The following TRERF1 variants were observed in gnomAD, a reference collection of about 807,000 sequenced individuals.
The protein encoded by TRERF1 is transcriptional regulating factor 1, also known as transcriptional-regulating factor 1.
TRERF1 carries 27 observed loss-of-function variants against 122.9 expected under a neutral mutation model. The observed-to-expected ratio is 0.22, with a 90% CI of 0.16 to 0.30. TRERF1 has a LOEUF of 0.30. TRERF1 is among the 10% of genes least tolerant of loss of function. TRERF1 has a pLI of 1.00. For missense variants in TRERF1, 1,248 were observed against 1,560.3 expected, an observed-to-expected ratio of 0.80 and a Z score of 3.37; for synonymous variants, 636 against 641.7, an observed-to-expected ratio of 0.99 and a Z score of 0.13.
exon 10 of TRERF1, chr6:42,258,159 C>G (rs1777102231): frequency 6.2e-7 from 1 of 1,614,078 alleles, no homozygotes; most frequent in Admixed American, 1.7e-5. Context: ...AGTCTGCTCT[C>G]CAGGCCCTGG....
chr6:42,426,449 A>G (rs1380656565), intron 2 of TRERF1, among the ~76,000 whole-genome samples: 1 of 152,162 alleles, frequency 6.6e-6, no homozygotes, highest in Non-Finnish European at 1.5e-5. Context: ...TTCTTCAGTA[A>G]AGTTACCTAG....
chr6:42,293,433 C>T (rs759141163), intron 4 of TRERF1, among the ~76,000 whole-genome samples: 89 of 152,174 alleles, frequency 5.8e-4, no homozygotes, highest in Non-Finnish European at 9.7e-4. Context: ...GCTACTAGAA[C>T]GAGGCCAGAG....
intron 3 of TRERF1, among the ~76,000 whole-genome samples, chr6:42,310,139 T>C (rs1240117918): frequency 2.6e-5 from 4 of 152,162 alleles, no homozygotes; most frequent in Non-Finnish European, 5.9e-5. Flanking sequence ...GGCCTCACTC[T>C]GTCACCCAGG....
At chr6:42,315,675 C>A (rs1294722889) in intron 3 of TRERF1, among the ~76,000 whole-genome samples, 2 of 151,448 alleles carry the variant, frequency 1.3e-5, no homozygotes, top group Non-Finnish European at 2.9e-5. Context: ...CCAGGTGGGG[C>A]CCCTGGGTCA....
At chr6:42,229,166 GTCTC>G (rs1243772537) in intron 17 of TRERF1, among the ~76,000 whole-genome samples, 1 of 152,138 alleles carries the variant, frequency 6.6e-6, no homozygotes. Context: ...GAGACAGGGT[GTCTC>G]TCTATTGCCC....
chr6:42,435,562 G>A (rs935831852), intron 2 of TRERF1, among the ~76,000 whole-genome samples: 13 of 151,836 alleles, frequency 8.6e-5, no homozygotes, highest in African/African-American at 2.2e-4. Context: ...GGAATTTACC[G>A]CCCAAAAAGA....
intron 2 of TRERF1, among the ~76,000 whole-genome samples, chr6:42,412,221 G>A (rs1466055166): frequency 6.6e-6 from 1 of 152,022 alleles, no homozygotes; most frequent in Non-Finnish European, 1.5e-5. Flanking sequence ...GGCTGGTCTC[G>A]AACTCCCGAC....
intron 2 of TRERF1, among the ~76,000 whole-genome samples, chr6:42,425,223 G>A (rs1224821839): frequency 1.3e-5 from 2 of 152,150 alleles, no homozygotes; most frequent in Non-Finnish European, 2.9e-5. Flanking sequence ...CTGCTCTTGT[G>A]AATTGCAAGC....
At position 42,393,916 on chromosome 6, in the gene TRERF1, G is replaced by GAAA. The variant is rs61581284; in HGVS notation, c.-453-30840_-453-30838dup. Among the ~76,000 whole-genome samples the GAAA allele has an allele frequency of 8.4e-6, 1 of 119,012 alleles. No individual in the cohort carries two copies. Among genetic ancestry groups the GAAA allele is most frequent in the Admixed American group, 8.8e-5 (1 of 11,304 alleles). The allele number at this position is 119,012 out of a possible 152,430, so 78.1% of individuals were successfully genotyped here. A position where few individuals can be genotyped will look rare whatever the true frequency, so the allele number is the denominator to read the frequency against. ...CAAACTCTCCAATGTATATATGCAGGAAAAAAAAAAAAAAAAAGACTGGGA... is the reference window on the plus strand; with the variant it reads ...CAAACTCTCCAATGTATATATGCAGGAAAAAAAAAAAAAAAAAAAAGACTGGGA... On this transcript the variant is annotated intron_variant, in intron 2 of 17. Transcript: ENST00000372922. The surrounding 1 kb of genome is among the most constrained non-coding windows in gnomAD (Gnocchi z 4.1).
chr6:42,228,312 G>C lies in TRERF1; in HGVS notation c.*33C>G. ...CTGATTAATGAAGATGGAGGCCGTG[G>C]GTTTTCACTGTCTCTAAGTGACACA... On this transcript the variant is annotated 3_prime_UTR_variant, in exon 18 of 18. Coordinates refer to ENST00000372922, the Ensembl canonical transcript of TRERF1. The surrounding 1 kb of genome is among the most constrained non-coding windows in gnomAD (Gnocchi z 4.2). 3 of 1,546,758 alleles carry C rather than the reference G, an allele frequency of 1.9e-6. No individual in the cohort carries two copies. Among genetic ancestry groups the C allele is most frequent in the Non-Finnish European group, 2.6e-6 (3 of 1,143,868 alleles).
intron 2 of TRERF1, among the ~76,000 whole-genome samples, chr6:42,413,829 GA>G (rs1452347307): frequency 1.3e-5 from 2 of 151,650 alleles, no homozygotes; most frequent in African/African-American, 4.8e-5. Flanking sequence ...ATTTACATAA[GA>G]AAAAAATGAA....
At chr6:42,374,619 A>G (rs751299921) in intron 2 of TRERF1, among the ~76,000 whole-genome samples, 2 of 151,916 alleles carry the variant, frequency 1.3e-5, no homozygotes, top group Non-Finnish European at 2.9e-5. Context: ...ACCTACATCC[A>G]CCTACCAGAT....
intron 16 of TRERF1, among the ~76,000 whole-genome samples, chr6:42,233,536 T>C (rs572076352): frequency 1.1e-3 from 168 of 152,042 alleles, no homozygotes; most frequent in Middle Eastern, 3.4e-3. Context: ...CTGCCCGCCT[T>C]GGCCTCCCAA....
chr6:42,259,996 A>G lies in TRERF1; in HGVS notation c.1885-273T>C, dbSNP rs1777536170. Among the ~76,000 whole-genome samples the G allele has an allele frequency of 6.6e-6, 1 of 152,056 alleles. No individual in the cohort carries two copies. The highest frequency in any genetic ancestry group is 2.4e-5 in the African/African-American group (1 of 41,364). On this transcript the variant is annotated intron_variant, in intron 8 of 17. Coordinates refer to ENST00000372922, the Ensembl canonical transcript of TRERF1. The surrounding 1 kb of genome is among the most constrained non-coding windows in gnomAD (Gnocchi z 4.9). Reference sequence around the variant, plus strand: ...ATAGTGGGTGGGCAAGAAGTAATAAATTCAAATTCTTTATTGCTTATCACT... The same window carrying G: ...ATAGTGGGTGGGCAAGAAGTAATAAGTTCAAATTCTTTATTGCTTATCACT...
chr6:42,323,387 C>T (rs1350377159), intron 3 of TRERF1, among the ~76,000 whole-genome samples: 3 of 151,948 alleles, frequency 2.0e-5, no homozygotes, highest in East Asian at 1.9e-4. Flanking sequence ...TTAGTAGAGA[C>T]GGGGTTTAAC....
intron 2 of TRERF1, among the ~76,000 whole-genome samples, chr6:42,404,947 A>C (rs1262590537): frequency 6.6e-6 from 1 of 152,278 alleles, no homozygotes; most frequent in Non-Finnish European, 1.5e-5. Flanking sequence ...AGTCAAAGCT[A>C]ATATACCCAC....
At chr6:42,272,557 G>A (rs903659655) in intron 4 of TRERF1, among the ~76,000 whole-genome samples, 5 of 152,144 alleles carry the variant, frequency 3.3e-5, no homozygotes, top group Non-Finnish European at 7.4e-5. Flanking sequence ...TTGAGATGAT[G>A]CCCACCCCCA....
rs540382958 is a variant in TRERF1, at chr6:42,408,100, G to C, written c.-454+43077C>G. 4.6e-5 allele frequency among the ~76,000 whole-genome samples: 7 copies of C among 151,568 alleles called. No individual in the cohort carries two copies. In the South Asian group the frequency reaches 1.5e-3, roughly 32 times the overall value. The stretch of plus-strand genomic sequence containing the variant: ...GGGTTATTTCACCAATATAGTCTAA[G>C]TATTTGCCTTAAAGAACTTCATCAG... On this transcript the variant is annotated intron_variant, in intron 2 of 17. Transcript: ENST00000372922.
At chr6:42,248,674 A>G (rs532474181) in intron 13 of TRERF1, among the ~76,000 whole-genome samples, 1 of 152,304 alleles carries the variant, frequency 6.6e-6, no homozygotes, top group South Asian at 2.1e-4. Context: ...CTTTACTTCT[A>G]GAAGGAAAGC....
Sources: allele counts gnomAD v4.1 joint callset (sites outside exome capture counted in the v4.1 genomes callset), GRCh38; gene constraint gnomAD v4.1.1; non-coding constraint Gnocchi (gnomAD v3.1); transcripts MANE v1.5; gene names NCBI Gene and HGNC (gene_info 2026-07-23, HGNC 2026-07-21).